The following ATP7B variants were observed in gnomAD, a reference collection of about 807,000 sequenced individuals.
ATP7B encodes ATPase copper transporting beta.
A neutral mutation model predicts 118.9 loss-of-function variants in ATP7B; 113 were observed. The observed-to-expected ratio is 0.95, with a 90% confidence interval of 0.82 to 1.11. ATP7B has a LOEUF of 1.11. Among genes scored for constraint, ATP7B ranks in the 50% most tolerant of loss-of-function variants. The pLI is 0.00. For missense variants in ATP7B, 1,867 were observed against 1,871.4 expected (o/e 1.00, Z 0.04); for synonymous variants, 777 against 727.4 (o/e 1.07, Z -1.10).
chr13:52,006,997 T>C (rs1428867689), intron 1 of ATP7B, among the ~76,000 whole-genome samples: 1 of 152,068 alleles, frequency 6.6e-6, no homozygotes, highest in African/African-American at 2.4e-5. Context: ...CTTGGCCCAG[T>C]ACCAGGCAAA....
chr13:51,966,797 T>C (rs1033849473), intron 4 of ATP7B: 8 of 1,610,698 alleles, frequency 5.0e-6, no homozygotes, highest in South Asian at 2.2e-5. Context: ...AGCAAAGGCT[T>C]TGATGAATAC....
intron 8 of ATP7B, chr13:51,957,919 T>G: frequency 4.3e-6 from 2 of 461,888 alleles, no homozygotes; most frequent in Non-Finnish European, 8.0e-6. Context: ...CTGAGTTCCA[T>G]TCTCTTGTAA....
Position 51,944,195 on chromosome 13 carries a change from G to A in ATP7B, c.3157C>T (p.Leu1053Phe), listed in dbSNP as rs1957512820. 1 of 1,614,158 alleles carries A rather than the reference G, an allele frequency of 6.2e-7. No individual in the cohort carries two copies. ...LLLGDVATLP[L>F]RKVLAVVGTA... is the part of the protein sequence containing the mutation. Reference sequence around the variant, plus strand: ...CCCACCACAGCCAGAACCTTCCTGAGGGGCAGTGTGGCCACATCCCCCAGC... The same window carrying A: ...CCCACCACAGCCAGAACCTTCCTGAAGGGCAGTGTGGCCACATCCCCCAGC... The change falls in exon 14 of 21, where the codon CTC becomes TTC. Residue 1053 changes from leucine (L) to phenylalanine (F), a missense_variant. By Grantham distance (22) the Leu-to-Phe change is conservative. Coordinates refer to ENST00000242839, the MANE Select transcript of ATP7B (RefSeq NM_000053.4).
chr13:51,948,761 T>C (rs978627611), intron 12 of ATP7B, among the ~76,000 whole-genome samples: 6 of 152,200 alleles, frequency 3.9e-5, no homozygotes, highest in African/African-American at 1.4e-4. Flanking sequence ...TATTTTCCTT[T>C]CTTTTTCTGA....
intron 9 of ATP7B, among the ~76,000 whole-genome samples, chr13:51,954,937 C>A (rs549826977): frequency 6.6e-6 from 1 of 152,222 alleles, no homozygotes; most frequent in South Asian, 2.1e-4. Context: ...CACCAGAACC[C>A]CAAGGACCAT....
intron 1 of ATP7B, chr13:51,995,183 C>T (rs1953143934): frequency 3.4e-6 from 2 of 581,340 alleles, no homozygotes; most frequent in Non-Finnish European, 4.3e-6. Context: ...CCAGGTGCTA[C>T]ATTCACACTC....
Position 51,961,821 on chromosome 13 carries a change from T to G in ATP7B, c.1946+16A>C, listed in dbSNP as rs777537782. 3 of 1,610,160 alleles carry G rather than the reference T, an allele frequency of 1.9e-6. No homozygotes were observed. The Admixed American group carries it at 5.0e-5, about 27-fold the overall frequency. ...CTTAGATGAGAGCTGGAGTTTATCT[T>G]TTGTGTTCTACCTACTGCTTTATTT... On this transcript the variant is annotated intron_variant, in intron 6 of 20. Coordinates refer to ENST00000242839, the MANE Select transcript of ATP7B (RefSeq NM_000053.4).
intron 1 of ATP7B, among the ~76,000 whole-genome samples, chr13:51,977,648 A>G (rs557998097): frequency 1.7e-4 from 26 of 152,234 alleles, no homozygotes; most frequent in Non-Finnish European, 3.2e-4. Context: ...AAATACATAA[A>G]CCAGTAACAT....
chr13:52,006,637 T>A (rs1414303574), intron 1 of ATP7B, among the ~76,000 whole-genome samples: 1 of 152,228 alleles, frequency 6.6e-6, no homozygotes, highest in Admixed American at 6.5e-5. Flanking sequence ...TTACGCTGTT[T>A]TCCTGTAGGG....
chr13:52,009,976 T>C (rs118189338), intron 1 of ATP7B, among the ~76,000 whole-genome samples: 2,094 of 152,272 alleles, frequency 0.014, 17 homozygotes, highest in Non-Finnish European at 0.022. Flanking sequence ...TCAATAACGC[T>C]GGTCAACGCT....
chr13:51,937,099 C>T (rs536216150), intron 19 of ATP7B, among the ~76,000 whole-genome samples, 177 bp downstream of exon 19: 1 of 151,714 alleles, frequency 6.6e-6, no homozygotes, highest in Non-Finnish European at 1.5e-5. Flanking sequence ...CAGGTCCTCT[C>T]CACAGTTTCT....
rs1951795080 is a variant in ATP7B at position 51,970,666 on chromosome 13, G to C, written c.1369C>G (p.Gln457Glu). Reference protein sequence around the residue: ...QTTDGTPTSVQEVAPHTGRLP... With the variant: ...QTTDGTPTSVEEVAPHTGRLP... Reference sequence around the variant, plus strand: ...CTCCCAGTGTGGGGAGCCACTTCCTGCACAGATGTAGGTGTACCATCTGTA... The same window carrying C: ...CTCCCAGTGTGGGGAGCCACTTCCTCCACAGATGTAGGTGTACCATCTGTA... The change falls in exon 3 of 21, where the codon CAG becomes GAG. Residue 457 changes from glutamine (Q) to glutamate (E), a missense_variant. Coordinates refer to ENST00000242839, the MANE Select transcript of ATP7B (RefSeq NM_000053.4). 6.2e-7 allele frequency: 1 copy of C among 1,614,044 alleles called. No homozygotes were observed. The highest frequency in any genetic ancestry group is 1.7e-5 in the Admixed American group (1 of 60,008).
Position 51,965,169 on chromosome 13 carries a change from C to A in ATP7B, c.1708-136G>T. On this transcript the variant is annotated intron_variant, in intron 4 of 20. Coordinates refer to ENST00000242839, the MANE Select transcript of ATP7B (RefSeq NM_000053.4). ...ACTGCTCTCAAGACCCTGGACTCCA[C>A]CTCCAAACCCCGCATGTGAGATTCT... The A allele has an allele frequency of 2.9e-6, 3 of 1,031,542 alleles. No homozygotes were observed. The South Asian group carries it at 4.2e-5, about 14-fold the overall frequency. 63.9% of individuals were successfully genotyped at this position (1,031,542 alleles called of 1,614,324 possible).
chr13:51,982,516 A>C (rs920921744), intron 1 of ATP7B, among the ~76,000 whole-genome samples: 1 of 152,242 alleles, frequency 6.6e-6, no homozygotes, highest in African/African-American at 2.4e-5. Context: ...ACACAGGTTT[A>C]GATACAAGAA....
chr13:51,961,852 T>C lies in ATP7B; in HGVS notation c.1931A>G (p.Lys644Arg). Residue 644 changes from lysine (K) to arginine (R), a missense_variant, in exon 6 of 21, where the codon AAG becomes AGG. By Grantham distance (26) the Lys-to-Arg change is conservative. Coordinates refer to ENST00000242839, the MANE Select transcript of ATP7B (RefSeq NM_000053.4). ...RNPNAHHLDH[K>R]MEIKQWKKSF... The stretch of plus-strand genomic sequence containing the variant: ...TTCTACCTACTGCTTTATTTCCATC[T>C]TGTGGTCCAAGTGATGAGCGTTGGG... 2.5e-6 allele frequency: 4 copies of C among 1,614,020 alleles called. No individual in the cohort carries two copies. Among genetic ancestry groups the C allele is most frequent in the Non-Finnish European group, 3.4e-6 (4 of 1,179,870 alleles).
At chr13:51,962,206 A>C (rs1386971024) in intron 5 of ATP7B, among the ~76,000 whole-genome samples, 5 of 152,254 alleles carry the variant, frequency 3.3e-5, no homozygotes, top group African/African-American at 9.6e-5. Context: ...CCTAATGGTC[A>C]GAAATCTTCA....
chr13:51,992,476 G>A (rs1321922446), intron 1 of ATP7B, among the ~76,000 whole-genome samples: 1 of 152,192 alleles, frequency 6.6e-6, no homozygotes, highest in African/African-American at 2.4e-5. Flanking sequence ...TAAGTGACAA[G>A]AGTAAGGTTC....
At chr13:51,993,760 G>A (rs1207427597) in intron 1 of ATP7B, among the ~76,000 whole-genome samples, 1 of 152,180 alleles carries the variant, frequency 6.6e-6, no homozygotes, top group Non-Finnish European at 1.5e-5. Context: ...AATCTACAAA[G>A]TGCTTTCACA....
chr13:51,941,156 T>C lies in ATP7B; in HGVS notation c.3481A>G (p.Ile1161Val). The part of the protein sequence containing the change: ...REWLRRNGLT[I>V]SSDVSDAMTD... ...ATAGCGTCACTGACATCGCTAGAAA[T>C]GGTTAAACCGTTGCGCCTCAGCCAC... Residue 1161 changes from isoleucine (I) to valine (V), a missense_variant, in exon 16 of 21, where the codon ATT becomes GTT. Physicochemically the swap from Ile to Val is conservative, Grantham distance 29. Coordinates refer to ENST00000242839, the MANE Select transcript of ATP7B (RefSeq NM_000053.4). 2 of 1,614,100 alleles carry C rather than the reference T, an allele frequency of 1.2e-6. No individual in the cohort carries two copies. The highest frequency in any genetic ancestry group is 1.7e-5 in the Admixed American group (1 of 60,014).
Sources: allele counts gnomAD v4.1 joint callset (sites outside exome capture counted in the v4.1 genomes callset), GRCh38; gene constraint gnomAD v4.1.1; transcripts MANE v1.5; gene names NCBI Gene and HGNC (gene_info 2026-07-23, HGNC 2026-07-21).